Variants in EXOC6 observed in about 807,000 individuals in gnomAD.
EXOC6 encodes exocyst complex component 6.
Under a neutral mutation model 112.5 loss-of-function variants are expected in EXOC6, and 60 were observed. The observed-to-expected ratio is 0.53, with a 90% CI of 0.43 to 0.66. EXOC6 has a LOEUF of 0.66. Among genes scored for constraint, EXOC6 ranks in the 30% least tolerant of loss-of-function variants. EXOC6 has a pLI of 0.00. For missense variants in EXOC6, 855 were observed against 957.1 expected, an observed-to-expected ratio of 0.89 and a Z score of 1.41; for synonymous variants, 295 against 308.0, an observed-to-expected ratio of 0.96 and a Z score of 0.44.
At chr10:92,910,656 C>T (rs1056631358) in intron 6 of EXOC6, among the ~76,000 whole-genome samples, 15 of 152,064 alleles carry the variant, frequency 9.9e-5, no homozygotes, top group African/African-American at 2.9e-4. Flanking sequence ...TGGGGCCGGG[C>T]GGGGTGGCTC....
At chr10:92,847,700 C>A (rs1847104370), upstream of EXOC6, among the ~76,000 whole-genome samples, 1 of 152,072 alleles carries the variant, frequency 6.6e-6, no homozygotes, top group Non-Finnish European at 1.5e-5. Context: ...TTTGTCCAAG[C>A]CTCCCTGCCT....
chr10:92,963,458 G>A (rs948571617), intron 17 of EXOC6, among the ~76,000 whole-genome samples: 6 of 151,574 alleles, frequency 4.0e-5, no homozygotes, highest in South Asian at 2.1e-4. Flanking sequence ...TGTGACCTGC[G>A]TACTTTAGAA....
intron 19 of EXOC6, among the ~76,000 whole-genome samples, chr10:92,998,697 TAAAA>T (rs901360725): frequency 2.1e-4 from 31 of 150,376 alleles, no homozygotes; most frequent in African/African-American, 7.6e-4. Context: ...CCCATTTATT[TAAAA>T]AAAAAGAAAT....
intron 5 of EXOC6, among the ~76,000 whole-genome samples, chr10:92,904,974 A>C (rs555780820): frequency 6.6e-6 from 1 of 152,130 alleles, no homozygotes; most frequent in African/African-American, 2.4e-5. Context: ...TTTTATAAAA[A>C]GTGAAGGTCA....
At chr10:93,021,999 A>G (rs989238430) in intron 20 of EXOC6, among the ~76,000 whole-genome samples, 2 of 152,134 alleles carry the variant, frequency 1.3e-5, no homozygotes, top group Non-Finnish European at 2.9e-5. Flanking sequence ...TTCCGGATAG[A>G]TAGATGGTTG....
At chr10:92,848,205 G>C (rs1847127359), upstream of EXOC6, among the ~76,000 whole-genome samples, 1 of 152,004 alleles carries the variant, frequency 6.6e-6, no homozygotes, top group Admixed American at 6.6e-5. Context: ...TGTGGCACAG[G>C]GTGTGGCACA....
At chr10:92,918,281 G>T (rs1189371960) in intron 7 of EXOC6, among the ~76,000 whole-genome samples, 1 of 151,876 alleles carries the variant, frequency 6.6e-6, no homozygotes, top group Middle Eastern at 3.2e-3. Context: ...GTTTTGCCTT[G>T]CCAATGAGAT....
chr10:93,046,026 A>T (rs1845987827), intron 20 of EXOC6, among the ~76,000 whole-genome samples: 1 of 152,242 alleles, frequency 6.6e-6, no homozygotes, highest in South Asian at 2.1e-4. Context: ...TGTCAAGTAA[A>T]TGATAACATA....
intron 20 of EXOC6, among the ~76,000 whole-genome samples, chr10:93,039,180 AT>A (rs1394370167): frequency 2.6e-5 from 4 of 151,914 alleles, no homozygotes; most frequent in East Asian, 1.9e-4. Flanking sequence ...TGCTGAAGGT[AT>A]TTTTTTTATT....
intron 1 of EXOC6, among the ~76,000 whole-genome samples, chr10:92,859,821 A>ATG (rs10617958): frequency 0.21 from 30,139 of 141,252 alleles, 3,189 homozygotes; most frequent in East Asian, 0.41. Context: ...GTTTGTGTGC[A>ATG]TGTGTGTGTG....
intron 1 of EXOC6, among the ~76,000 whole-genome samples, chr10:92,882,219 TA>T (rs1849001425): frequency 6.6e-6 from 1 of 152,172 alleles, no homozygotes; most frequent in South Asian, 2.1e-4. Context: ...ATTGAGTGGC[TA>T]CTTTGAGCAA....
intron 19 of EXOC6, among the ~76,000 whole-genome samples, chr10:93,008,698 A>G (rs1190725163): frequency 6.6e-6 from 1 of 152,160 alleles, no homozygotes; most frequent in Non-Finnish European, 1.5e-5. Flanking sequence ...TTGTATTACT[A>G]TTTATTCATT....
At chr10:92,948,095 G>A (rs1036705950) in intron 13 of EXOC6, 179 bp from the exon 14 acceptor site, 2 of 487,006 alleles carry the variant, frequency 4.1e-6, no homozygotes, top group South Asian at 7.5e-5. Flanking sequence ...TGAGGGACAA[G>A]ACCTATTTGT....
At chr10:92,836,594 G>A (rs1846664970) in intron 1 of EXOC6, among the ~76,000 whole-genome samples, 1 of 152,162 alleles carries the variant, frequency 6.6e-6, no homozygotes, top group African/African-American at 2.4e-5. Flanking sequence ...ATGTTATTTT[G>A]GGGGGTAGAG....
In EXOC6 at chr10:92,889,534, T is replaced by G. The variant is rs137872496; in HGVS notation, c.102-3815T>G. ...CTTTGCATGTGTATGTCCGGTTGTT[T>G]TAGCACCATTTGTTGAAGACTGTCT... On this transcript the variant is annotated intron_variant, in intron 1 of 21. Transcript: ENST00000260762. Among the ~76,000 whole-genome samples the G allele has an allele frequency of 2.2e-4, 34 of 152,318 alleles. No individual in the cohort carries two copies. The East Asian group carries it at 6.2e-3, about 28-fold the overall frequency.
intron 20 of EXOC6, among the ~76,000 whole-genome samples, chr10:93,042,274 G>T (rs776966468): frequency 6.6e-6 from 1 of 152,126 alleles, no homozygotes; most frequent in Admixed American, 6.6e-5. Flanking sequence ...CTCAGTTTGG[G>T]TGTCATCTAA....
At chr10:92,936,356 GT>G (rs2133960885) in intron 12 of EXOC6, among the ~76,000 whole-genome samples, 1 of 152,268 alleles carries the variant, frequency 6.6e-6, no homozygotes, top group Admixed American at 6.5e-5. Flanking sequence ...TTTCAGAATT[GT>G]TTTTAGTTTT....
intron 1 of EXOC6, among the ~76,000 whole-genome samples, chr10:92,863,807 C>T (rs1377063329): frequency 6.0e-5 from 9 of 150,822 alleles, no homozygotes; most frequent in African/African-American, 2.0e-4. Flanking sequence ...CCCAGCTACT[C>T]GAGAGGCTGA....
intron 7 of EXOC6, among the ~76,000 whole-genome samples, chr10:92,917,324 G>A (rs189449008): frequency 6.0e-5 from 9 of 151,080 alleles, no homozygotes; most frequent in Admixed American, 1.3e-4. Flanking sequence ...TTTTTATTTC[G>A]TAATGTCTTG....
Sources: allele counts gnomAD v4.1 joint callset (sites outside exome capture counted in the v4.1 genomes callset), GRCh38; gene constraint gnomAD v4.1.1; transcripts MANE v1.5; gene names NCBI Gene and HGNC (gene_info 2026-07-23, HGNC 2026-07-21).